The following DOP1A variants were observed in gnomAD, a reference collection of about 807,000 sequenced individuals.
DOP1A encodes the protein DOP1 leucine zipper like protein A.
A neutral mutation model predicts 267.6 loss-of-function variants in DOP1A; 90 were observed. The ratio of observed to expected loss-of-function variants is 0.34; its 90% CI spans 0.28 to 0.40. The LOEUF is 0.40. Among genes scored for constraint, DOP1A ranks in the 10% least tolerant of loss-of-function variants. The probability of loss-of-function intolerance (pLI) is 1.00; values close to 1 mark genes in which losing one functional copy is unlikely to be tolerated. For synonymous variants in DOP1A, 932 were observed against 999.1 expected (o/e 0.93, Z 1.27); for missense variants, 2,437 against 2,900.4 (o/e 0.84, Z 3.67).
intron 5 of DOP1A, among the ~76,000 whole-genome samples, chr6:83,109,883 A>G (rs1774258905): frequency 6.6e-6 from 1 of 152,026 alleles, no homozygotes; most frequent in Admixed American, 6.6e-5. Flanking sequence ...AGATGAGGAG[A>G]CTGAACTTAA....
chr6:83,133,346 C>A (rs1418638029), intron 18 of DOP1A, among the ~76,000 whole-genome samples: 3 of 151,928 alleles, frequency 2.0e-5, no homozygotes, highest in African/African-American at 7.2e-5. Flanking sequence ...ATTAAAATAT[C>A]TTTTACTACT....
Position 83,120,721 on chromosome 6 carries a change from A to C in DOP1A, c.1029A>C (p.Glu343Asp). Residue 343 changes from glutamate to aspartate, a missense_variant, in exon 10 of 39, where the codon GAA (glutamate) becomes GAC (aspartate). Physicochemically the swap from Glu to Asp is conservative, Grantham distance 45 (BLOSUM62 2). Around this residue, in one of 9 missense-constraint regions of DOP1A, gnomAD observed 498 missense variants for 513.5 expected, o/e 0.97. Coordinates refer to ENST00000349129, the MANE Select transcript of DOP1A (RefSeq NM_015018.4). ...TCTTACAAGTGAATGGATTTGGAGA[A>C]GAGAACACTCTAATGCAGGATCTAA... is the stretch of plus-strand genomic sequence containing the variant. The part of the protein sequence containing the change: ...VGILQVNGFG[E>D]ENTLMQDLKP... 6.3e-7 allele frequency: 1 copy of C among 1,587,322 alleles called. No individual in the cohort carries two copies. The highest frequency in any genetic ancestry group is 1.1e-5 in the South Asian group (1 of 87,484).
chr6:83,098,988 C>T (rs1305595692), intron 3 of DOP1A, among the ~76,000 whole-genome samples: 2 of 151,962 alleles, frequency 1.3e-5, no homozygotes, highest in African/African-American at 4.8e-5. Flanking sequence ...CCAAGTAGTC[C>T]AGAGAATTTT....
chr6:83,161,556 G>A (rs781135922), intron 37 of DOP1A, among the ~76,000 whole-genome samples: 1 of 152,128 alleles, frequency 6.6e-6, no homozygotes, highest in Admixed American at 6.6e-5. Context: ...GTAGAAAAAT[G>A]AGCCAATGAG....
intron 4 of DOP1A, among the ~76,000 whole-genome samples, chr6:83,102,796 A>G (rs928401447): frequency 1.3e-5 from 2 of 152,360 alleles, no homozygotes; most frequent in Admixed American, 6.5e-5. Context: ...CATGGCTTTG[A>G]AGACTTTACT....
intron 1 of DOP1A, among the ~76,000 whole-genome samples, chr6:83,092,567 C>G (rs1392036241): frequency 8.4e-6 from 1 of 118,720 alleles, no homozygotes; most frequent in East Asian, 2.9e-4. Context: ...CCCCCCCCCC[C>G]CACCATATTC....
chr6:83,145,220 ATAAT>A (rs1780427098), intron 24 of DOP1A, among the ~76,000 whole-genome samples: 2 of 76,788 alleles, frequency 2.6e-5, no homozygotes, highest in East Asian at 3.4e-4. Flanking sequence ...ATATATATAT[ATAAT>A]ATATATATAT....
intron 1 of DOP1A, among the ~76,000 whole-genome samples, chr6:83,088,745 G>A (rs575046279): frequency 2.4e-4 from 36 of 152,176 alleles, no homozygotes; most frequent in Admixed American, 1.8e-3. Flanking sequence ...AACACTCAAG[G>A]GAAGTTTCCA....
intron 38 of DOP1A, chr6:83,166,114 A>G: frequency 2.3e-6 from 1 of 427,502 alleles, no homozygotes; most frequent in East Asian, 3.7e-5. Flanking sequence ...GTTGCATAGA[A>G]TAGAGAAAAT....
Position 83,155,996 on chromosome 6 carries a change from A to G in DOP1A, c.6497A>G (p.Asn2166Ser). 1 of 1,614,066 alleles carries G rather than the reference A, an allele frequency of 6.2e-7. No homozygotes were observed. The highest frequency in any genetic ancestry group is 2.2e-5 in the East Asian group (1 of 44,880). Residue 2166 changes from asparagine to serine, a missense_variant, in exon 34 of 39, where the codon AAC (asparagine) becomes AGC (serine). By Grantham distance (46) the Asn-to-Ser change is conservative (BLOSUM62 1). This residue lies in a region of DOP1A where 75 missense variants were observed against 149.6 expected (regional missense o/e 0.50). Transcript: ENST00000349129. ...AQSSSLNLFANRDVELEQRAM... is the reference protein window; with the variant it reads ...AQSSSLNLFASRDVELEQRAM... ...AGCAGTTCACTTAATCTCTTTGCAA[A>G]CCGTGATGTGGAGCTAGAACAGAGA... is the stretch of plus-strand genomic sequence containing the variant.
intron 7 of DOP1A, among the ~76,000 whole-genome samples, chr6:83,113,638 G>A (rs1199301064): frequency 6.6e-6 from 1 of 152,140 alleles, no homozygotes; most frequent in Non-Finnish European, 1.5e-5. Flanking sequence ...CATTGAAGTA[G>A]ATTATTTCAT....
At chr6:83,116,182 C>G (rs1409940988) in intron 7 of DOP1A, among the ~76,000 whole-genome samples, 1 of 152,200 alleles carries the variant, frequency 6.6e-6, no homozygotes, top group African/African-American at 2.4e-5. Context: ...TATACCAAAA[C>G]TTCGAAGCTG....
intron 36 of DOP1A, 139 bp from the exon 37 acceptor site, chr6:83,159,657 T>C: frequency 2.2e-6 from 2 of 928,742 alleles, no homozygotes; most frequent in South Asian, 1.6e-5. Context: ...TGACATTTCA[T>C]CATGACCTTG....
At chr6:83,165,686 G>T in intron 38 of DOP1A, 1 of 216,738 alleles carries the variant, frequency 4.6e-6, no homozygotes, top group Non-Finnish European at 9.8e-6. Context: ...AGAAGTGGTA[G>T]TTTGTTGGCA....
Position 83,097,205 on chromosome 6 carries a change from A to G in DOP1A, c.138+90A>G, listed in dbSNP as rs1201746951. 2.2e-6 allele frequency: 3 copies of G among 1,393,676 alleles called. No homozygotes were observed. The African/African-American group carries it at 4.3e-5, about 20-fold the overall frequency. The allele number at this position is 1,393,676 out of a possible 1,614,324, so 86.3% of individuals were successfully genotyped here. ...GATTTCTCGAAATCTTGAAGTAAGA[A>G]TGCAAAAACATAAATGAACCTTAGA... On this transcript the variant is annotated intron_variant, in intron 3 of 38. Transcript: ENST00000349129.
In DOP1A at chr6:83,138,534, A is replaced by G. The variant is rs1174011194; in HGVS notation, c.4492A>G (p.Thr1498Ala). 6.2e-7 allele frequency: 1 copy of G among 1,613,684 alleles called. No individual in the cohort carries two copies. Among genetic ancestry groups the G allele is most frequent in the Non-Finnish European group, 8.5e-7 (1 of 1,179,948 alleles). The stretch of plus-strand genomic sequence containing the variant: ...CATAGAAATTCTGACACTACTCTTC[A>G]CTGAGCTGGCAAAAGTAATAGAAAG... ...MSIEILTLLF[T>A]ELAKVIESSA... is the part of the protein sequence containing the mutation. The change falls in exon 21 of 39, where the codon ACT (threonine) becomes GCT (alanine). Residue 1498 changes from threonine (T) to alanine (A), a missense_variant. Transcript: ENST00000349129.
intron 24 of DOP1A, among the ~76,000 whole-genome samples, chr6:83,143,012 A>G (rs1282414352): frequency 1.3e-5 from 2 of 152,212 alleles, no homozygotes; most frequent in Non-Finnish European, 2.9e-5. Flanking sequence ...CAAAATAAAC[A>G]TTCACACCAT....
chr6:83,152,039 A>C lies in DOP1A; in HGVS notation c.6049+12A>C. Reference sequence around the variant, plus strand: ...ATCTGATGTTGAAGGTATTCTTGTCAAACATTTAGGTTTATTATCTGTAAG... The same window carrying C: ...ATCTGATGTTGAAGGTATTCTTGTCCAACATTTAGGTTTATTATCTGTAAG... On this transcript the variant is annotated intron_variant, in intron 29 of 38. Coordinates refer to ENST00000349129, the MANE Select transcript of DOP1A (RefSeq NM_015018.4). 6.2e-7 allele frequency: 1 copy of C among 1,613,742 alleles called. No homozygotes were observed. The highest frequency in any genetic ancestry group is 1.6e-4 in the Middle Eastern group (1 of 6,062).
At chr6:83,118,484 AGAGTGG>A (rs1775834928) in intron 7 of DOP1A, among the ~76,000 whole-genome samples, 1 of 152,198 alleles carries the variant, frequency 6.6e-6, no homozygotes, top group Non-Finnish European at 1.5e-5. Context: ...AAAAGAATAA[AGAGTGG>A]ATGAAGATAG....
Sources: gnomAD v4.1 joint callset for allele counts (sites outside exome capture counted in the v4.1 genomes callset) on GRCh38, gnomAD v4.1.1 for gene constraint, gnomAD v4.1.1 regional missense constraint, MANE v1.5 for transcripts, NCBI Gene and HGNC (gene_info 2026-07-23, HGNC 2026-07-21) for gene names.